The following CLIP1 variants were observed in gnomAD, a reference collection of about 807,000 sequenced individuals.
CLIP1 encodes CAP-Gly domain containing linker protein 1, also known as CAP-Gly domain-containing linker protein 1.
Under a neutral mutation model 161.6 loss-of-function variants are expected in CLIP1, and 66 were observed. That is an observed-to-expected ratio of 0.41 (90% CI 0.33 to 0.50). The LOEUF is 0.50. Ranked by LOEUF, CLIP1 falls within the 20% of genes least tolerant of loss-of-function variation. CLIP1 has a pLI of 0.27. For synonymous variants in CLIP1, 598 were observed against 626.2 expected (o/e 0.96, Z 0.67); for missense variants, 1,376 against 1,702.0 (o/e 0.81, Z 3.37).
chr12:122,420,206 A>T (rs932281040), intron 1 of CLIP1, among the ~76,000 whole-genome samples: 3 of 150,850 alleles, frequency 2.0e-5, no homozygotes, highest in Non-Finnish European at 4.4e-5. Flanking sequence ...TTAGCCAGGC[A>T]TGGTGGCAGG....
rs1566061993 is a variant in CLIP1 at position 122,272,534 on chromosome 12, G to GTTTT, written c.*340_*341insAAAA. On this transcript the variant is annotated 3_prime_UTR_variant, in exon 26 of 26. Transcript: ENST00000620786. Reference sequence around the variant, plus strand: ...TCTTAGTGCAAATATGAAAAGTAACGGCATAATTTAAAGTTACTTAAATAA... The same window carrying GTTTT: ...TCTTAGTGCAAATATGAAAAGTAACGTTTTGCATAATTTAAAGTTACTTAAATAA... 5.2e-6 allele frequency: 1 copy of GTTTT among 191,454 alleles called. No individual in the cohort carries two copies. The highest frequency in any genetic ancestry group is 2.3e-5 in the African/African-American group (1 of 42,696). The allele number at this position is 191,454 out of a possible 1,614,324, so 11.9% of individuals were successfully genotyped here.
intron 5 of CLIP1, among the ~76,000 whole-genome samples, chr12:122,360,147 A>G (rs2136558287): frequency 6.6e-6 from 1 of 152,330 alleles, no homozygotes; most frequent in Non-Finnish European, 1.5e-5. Context: ...AGTTCCCTTT[A>G]GTGTCCTCTG....
At position 122,354,595 on chromosome 12, in the gene CLIP1, G is replaced by T; in HGVS notation, c.1204-39C>A. On this transcript the variant is annotated intron_variant, in intron 6 of 25. Coordinates refer to ENST00000620786, the MANE Select transcript of CLIP1 (RefSeq NM_001247997.2). Reference sequence around the variant, plus strand: ...GAATGTCGGTAAATGGACTATTTCTGACCCAGATACAGACCCAGTGATACT... The same window carrying T: ...GAATGTCGGTAAATGGACTATTTCTTACCCAGATACAGACCCAGTGATACT... The T allele has an allele frequency of 2.6e-6, 4 of 1,527,010 alleles. No homozygotes were observed. The South Asian group carries it at 4.5e-5, about 17-fold the overall frequency. 94.6% of individuals were successfully genotyped at this position (1,527,010 alleles called of 1,614,324 possible).
intron 20 of CLIP1, among the ~76,000 whole-genome samples, chr12:122,297,234 C>CT (rs1950509314): frequency 6.6e-6 from 1 of 152,092 alleles, no homozygotes; most frequent in African/African-American, 2.4e-5. Context: ...TGTCTGTCAG[C>CT]TACGCTAAGA....
chr12:122,417,121 AC>A lies in CLIP1; in HGVS notation c.-107+5399del, dbSNP rs558640383. Among the ~76,000 whole-genome samples the A allele has an allele frequency of 1.1e-4, 17 of 151,202 alleles. No homozygotes were observed. In the East Asian group the frequency reaches 2.3e-3, roughly 21 times the overall value. ...AGATCAGCCTGGCCAACATGGTGAA[AC>A]CCCGTCTCTACTAAAAATACAAAAA... On this transcript the variant is annotated intron_variant, in intron 1 of 25. Coordinates refer to ENST00000620786, the MANE Select transcript of CLIP1 (RefSeq NM_001247997.2).
At chr12:122,403,685 AT>A (rs1048261230) in intron 1 of CLIP1, among the ~76,000 whole-genome samples, 18 of 150,372 alleles carry the variant, frequency 1.2e-4, no homozygotes, top group Admixed American at 1.1e-3. Context: ...CACCCAGCTA[AT>A]TTTTTTTTAT....
chr12:122,380,116 G>A (rs559071286), intron 2 of CLIP1, among the ~76,000 whole-genome samples: 3 of 151,048 alleles, frequency 2.0e-5, no homozygotes, highest in Non-Finnish European at 4.4e-5. Flanking sequence ...GGTAGTATGC[G>A]CCTATATTCC....
chr12:122,310,804 T>C (rs1951034563), intron 19 of CLIP1, among the ~76,000 whole-genome samples: 1 of 152,232 alleles, frequency 6.6e-6, no homozygotes, highest in Non-Finnish European at 1.5e-5. Context: ...GTCATCTGGG[T>C]ATGAATCCAT....
chr12:122,289,477 T>C (rs1312071145), intron 20 of CLIP1, among the ~76,000 whole-genome samples: 2 of 152,058 alleles, frequency 1.3e-5, no homozygotes, highest in South Asian at 2.1e-4. Context: ...CTAGTTCCTT[T>C]ACTTAAACCG....
At chr12:122,402,495 C>T (rs1956178172) in intron 1 of CLIP1, among the ~76,000 whole-genome samples, 1 of 151,518 alleles carries the variant, frequency 6.6e-6, no homozygotes, top group African/African-American at 2.4e-5. Context: ...TCATCTCCTG[C>T]CTGGGCGTGC....
chr12:122,288,681 G>A, intron 20 of CLIP1, 140 bp from the exon 21 acceptor site: 1 of 659,506 alleles, frequency 1.5e-6, no homozygotes, highest in Non-Finnish European at 2.6e-6. Flanking sequence ...GGGACAAGTG[G>A]TCACTCTATC....
At chr12:122,414,589 C>T (rs1168616427) in intron 1 of CLIP1, among the ~76,000 whole-genome samples, 3 of 152,098 alleles carry the variant, frequency 2.0e-5, no homozygotes, top group Non-Finnish European at 4.4e-5. Flanking sequence ...CTCAGTCTCC[C>T]AAGTAGGTGG....
At chr12:122,385,959 A>C (rs1309398824) in intron 1 of CLIP1, among the ~76,000 whole-genome samples, 1 of 152,156 alleles carries the variant, frequency 6.6e-6, no homozygotes, top group African/African-American at 2.4e-5. Flanking sequence ...GCAGAGGTCA[A>C]GAGTTTAAAG....
In CLIP1 at chr12:122,368,964, C is replaced by T. The variant is rs146973377; in HGVS notation, c.658-4857G>A. Among the ~76,000 whole-genome samples, 556 of 151,332 alleles carry T rather than the reference C, an allele frequency of 3.7e-3. 10 individuals carry two copies. Among genetic ancestry groups the T allele is most frequent in the Admixed American group, 0.029 (437 of 15,204 alleles). ...GGTATTTGCCAAATACAAATGTAAG[C>T]CTCACTTAAAACTTAATTGCCTGTG... On this transcript the variant is annotated intron_variant, in intron 3 of 25. Coordinates refer to ENST00000620786, the MANE Select transcript of CLIP1 (RefSeq NM_001247997.2).
intron 3 of CLIP1, among the ~76,000 whole-genome samples, chr12:122,370,597 A>G (rs1553178): frequency 0.44 from 66,426 of 152,016 alleles, 15,808 homozygotes; most frequent in African/African-American, 0.61. Flanking sequence ...AAAAAGAAAT[A>G]TGACAAGAGC....
At position 122,377,658 on chromosome 12, in the gene CLIP1, C is replaced by T; in HGVS notation, c.388G>A (p.Ala130Thr). 2 of 1,613,718 alleles carry T rather than the reference C, an allele frequency of 1.2e-6. No homozygotes were observed. Among genetic ancestry groups the T allele is most frequent in the Middle Eastern group, 1.6e-4 (1 of 6,062 alleles). Residue 130 changes from alanine (A) to threonine (T), a missense_variant, in exon 3 of 26, where the codon GCA becomes ACA. Ala to Thr is a moderately conservative substitution (Grantham distance 58). Around this residue, in one of 6 missense-constraint regions of CLIP1, gnomAD observed 119 missense variants for 112.0 expected, o/e 1.06. Coordinates refer to ENST00000620786, the MANE Select transcript of CLIP1 (RefSeq NM_001247997.2). ...RPSKLTRKVQAEDEANGLQTT... is the reference protein window; with the variant it reads ...RPSKLTRKVQTEDEANGLQTT... ...TGCAGGCCATTAGCTTCATCTTCTG[C>T]TTGCACCTTCCTTGTTAACTTTGAA... is the stretch of plus-strand genomic sequence containing the variant.
chr12:122,416,422 G>C (rs530268358), intron 1 of CLIP1, among the ~76,000 whole-genome samples: 1 of 152,042 alleles, frequency 6.6e-6, no homozygotes, highest in East Asian at 1.9e-4. Context: ...GAAATTCTTT[G>C]AGCCTCATTT....
Position 122,361,140 on chromosome 12 carries a change from A to T in CLIP1, c.824T>A (p.Val275Asp). Reference protein sequence around the residue: ...CQPKYGLFAPVHKVTKIGFPS... With the variant: ...CQPKYGLFAPDHKVTKIGFPS... Reference sequence around the variant, plus strand: ...GAAGCCAATCTTGGTAACTTTGTGGACAGGAGCGAACAAGCCATATTTGGG... The same window carrying T: ...GAAGCCAATCTTGGTAACTTTGTGGTCAGGAGCGAACAAGCCATATTTGGG... Residue 275 changes from valine to aspartate, a missense_variant, in exon 5 of 26, where the codon GTC (valine) becomes GAC (aspartate). By Grantham distance (152) the Val-to-Asp change is radical (BLOSUM62 -3). This residue lies in a region of CLIP1 where 211 missense variants were observed against 295.1 expected (regional missense o/e 0.72). Transcript: ENST00000620786. 1 of 1,614,172 alleles carries T rather than the reference A, an allele frequency of 6.2e-7. No individual in the cohort carries two copies. Among genetic ancestry groups the T allele is most frequent in the Non-Finnish European group, 8.5e-7 (1 of 1,180,000 alleles).
chr12:122,280,509 A>G (rs924217881), intron 21 of CLIP1: 4 of 152,252 alleles, frequency 2.6e-5, no homozygotes, highest in Non-Finnish European at 5.9e-5. Flanking sequence ...CCTAGTTTGG[A>G]TGCTGTAACA....
Sources: gnomAD v4.1 joint callset for allele counts (sites outside exome capture counted in the v4.1 genomes callset) on GRCh38, gnomAD v4.1.1 for gene constraint, gnomAD v4.1.1 regional missense constraint, MANE v1.5 for transcripts, NCBI Gene and HGNC (gene_info 2026-07-23, HGNC 2026-07-21) for gene names.